Variants in MRPL20 observed in about 807,000 individuals in gnomAD.
MRPL20 encodes mitochondrial ribosomal protein L20.
A neutral mutation model predicts 20.0 loss-of-function variants in MRPL20; 21 were observed. The ratio of observed to expected loss-of-function variants is 1.05; its 90% CI spans 0.74 to 1.51. MRPL20 has a LOEUF of 1.51. Ranked by LOEUF, MRPL20 falls within the 40% of genes most tolerant of loss-of-function variation. MRPL20 has a pLI of 0.00. For synonymous variants in MRPL20, 104 were observed against 73.0 expected (o/e 1.43, Z -2.17); for missense variants, 252 against 185.6 (o/e 1.36, Z -2.08).
intron 3 of MRPL20, chr1:1,402,508 G>T: frequency 8.1e-7 from 1 of 1,241,380 alleles, no homozygotes; most frequent in Non-Finnish European, 1.0e-6. Flanking sequence ...ATGTCGGCCC[G>T]GGGAACCAAA....
chr1:1,406,350 G>C (rs1211437626), intron 2 of MRPL20: 2 of 176,578 alleles, frequency 1.1e-5, no homozygotes, highest in African/African-American at 2.4e-5. Context: ...ACTCCGTCTC[G>C]GGGTAAGAAA....
Position 1,407,091 on chromosome 1 carries a change from C to T in MRPL20, c.87+40G>A, listed in dbSNP as rs901340210. 10 of 1,608,584 alleles carry T rather than the reference C, an allele frequency of 6.2e-6. No homozygotes were observed. In the African/African-American group the frequency reaches 1.2e-4, roughly 20 times the overall value. On this transcript the variant is annotated intron_variant, in intron 1 of 3. Transcript: ENST00000344843. ...GGCCGCCCCTTGGCCCGCGGGATAC[C>T]CCGGGCGCCCAGTGCCCAGGCCGGG... is the stretch of plus-strand genomic sequence containing the variant.
intron 2 of MRPL20, chr1:1,406,655 G>A (rs915005126): frequency 1.7e-5 from 9 of 531,078 alleles, no homozygotes; most frequent in Non-Finnish European, 3.1e-5. Context: ...GACGCAGGGA[G>A]AGTGTCAAGG....
At chr1:1,402,362 G>C (rs908330565) in intron 3 of MRPL20, 106 bp from the exon 4 acceptor site, 125 of 1,451,598 alleles carry the variant, frequency 8.6e-5, no homozygotes, top group African/African-American at 1.6e-4. Context: ...CACTCGCCTG[G>C]GGGGAGGGAA....
chr1:1,404,001 G>A (rs1245794144), intron 3 of MRPL20, among the ~76,000 whole-genome samples: 2 of 149,150 alleles, frequency 1.3e-5, no homozygotes, highest in African/African-American at 2.5e-5. Context: ...CACCACGCCT[G>A]GCTCATTTTG....
chr1:1,402,266 GAA>G lies in MRPL20; in HGVS notation c.277-12_277-11del. ...TGAGCTCCACCTGGCACTGAAAAAAGAATGAATCAGAACCTGCTGTCAGTGTG... is the reference window on the plus strand; with the variant it reads ...TGAGCTCCACCTGGCACTGAAAAAAGTGAATCAGAACCTGCTGTCAGTGTG... On this transcript the variant is annotated splice_polypyrimidine_tract_variant and intron_variant, in intron 3 of 3. Coordinates refer to ENST00000344843, the MANE Select transcript of MRPL20 (RefSeq NM_017971.4). The G allele has an allele frequency of 6.2e-7, 1 of 1,602,452 alleles. No homozygotes were observed. Among genetic ancestry groups the G allele is most frequent in the Non-Finnish European group, 8.5e-7 (1 of 1,174,632 alleles).
rs894696686 is a variant in MRPL20, at chr1:1,401,920, T to A, written c.*163A>T. 6 of 822,858 alleles carry A rather than the reference T, an allele frequency of 7.3e-6. No homozygotes were observed. The African/African-American group carries it at 1.0e-4, about 14-fold the overall frequency. 51.0% of individuals were successfully genotyped at this position (822,858 alleles called of 1,614,324 possible). On this transcript the variant is annotated 3_prime_UTR_variant, in exon 4 of 4. Transcript: ENST00000344843. ...ATGACTCTAAAAACTGAAGAGTGTT[T>A]GAGTTTCATTCACACAAAACATGGA...
In MRPL20 at chr1:1,407,285, G is replaced by A; in HGVS notation, c.-68C>T. The A allele has an allele frequency of 7.2e-7, 1 of 1,396,506 alleles. No individual in the cohort carries two copies. Among genetic ancestry groups the A allele is most frequent in the Non-Finnish European group, 9.9e-7 (1 of 1,014,054 alleles). The allele number at this position is 1,396,506 out of a possible 1,614,324, so 86.5% of individuals were successfully genotyped here. A position where few individuals can be genotyped will look rare whatever the true frequency, so the allele number is the denominator to read the frequency against. Reference sequence around the variant, plus strand: ...GCAGCGCCGCTGCCATCTTGCCCGGGTCGGAAATGGTGGTCACGAGCGCTT... The same window carrying A: ...GCAGCGCCGCTGCCATCTTGCCCGGATCGGAAATGGTGGTCACGAGCGCTT... On this transcript the variant is annotated 5_prime_UTR_variant, in exon 1 of 4. Coordinates refer to ENST00000344843, the MANE Select transcript of MRPL20 (RefSeq NM_017971.4).
In MRPL20 at chr1:1,402,158, G is replaced by C. The variant is rs756520442; in HGVS notation, c.375C>G (p.His125Gln). The change falls in exon 4 of 4, where the codon CAC (histidine) becomes CAG (glutamine). Residue 125 changes from histidine (H) to glutamine (Q), a missense_variant. Physicochemically the swap from His to Gln is conservative, Grantham distance 24. Transcript: ENST00000344843. ...CCCCCAAGGCAGCAGCAAATCCTTCGTGTCGCCTCCTACTGGCCAAGGCAG... is the reference window on the plus strand; with the variant it reads ...CCCCCAAGGCAGCAGCAAATCCTTCCTGTCGCCTCCTACTGGCCAAGGCAG... ...SLAALASRRR[H>Q]EGFAAALGDG... 5.0e-6 allele frequency: 8 copies of C among 1,614,074 alleles called. No individual in the cohort carries two copies. The highest frequency in any genetic ancestry group is 1.7e-5 in the Admixed American group (1 of 60,016).
chr1:1,402,293 G>T, intron 3 of MRPL20, 37 bp from the exon 4 acceptor site: 1 of 1,583,198 alleles, frequency 6.3e-7, no homozygotes, highest in South Asian at 1.1e-5. Flanking sequence ...CTGTCAGTGT[G>T]AGACACACAC....
chr1:1,406,201 C>CA (rs1460670740), intron 2 of MRPL20: 1 of 274,748 alleles, frequency 3.6e-6, no homozygotes, highest in African/African-American at 2.2e-5. Context: ...ACTAAAAATA[C>CA]AAAAAATAGC....
chr1:1,402,387 C>T (rs1645339774), intron 3 of MRPL20, 131 bp from the exon 4 acceptor site: 11 of 1,414,130 alleles, frequency 7.8e-6, no homozygotes, highest in Non-Finnish European at 1.0e-5. Flanking sequence ...TAGGAGAATC[C>T]TATCTGGGTG....
intron 3 of MRPL20, chr1:1,405,474 CTA>C (rs376764357): frequency 2.7e-5 from 16 of 599,200 alleles, no homozygotes; most frequent in Admixed American, 1.2e-4. Flanking sequence ...AGTGGTCTCA[CTA>C]TGTTGCCCAG....
chr1:1,406,999 A>G lies in MRPL20; in HGVS notation c.108T>C (p.Asn36=), dbSNP rs1401475569. 1 of 1,613,576 alleles carries G rather than the reference A, an allele frequency of 6.2e-7. No homozygotes were observed. Among genetic ancestry groups the G allele is most frequent in the Non-Finnish European group, 8.5e-7 (1 of 1,179,722 alleles). Reference sequence around the variant, plus strand: ...TTCTGACCGCCAACCTGTAGCAGCGATTTTTCCTTCCCCGGAAGTGCTGGG... The same window carrying G: ...TTCTGACCGCCAACCTGTAGCAGCGGTTTTTCCTTCCCCGGAAGTGCTGGG... The part of the protein sequence containing the change: ...KHARHFRGRK[N]RCYRLAVRTV... Residue 36 remains asparagine (N), a synonymous_variant, in exon 2 of 4, where the codon AAT becomes AAC. Transcript: ENST00000344843.
intron 3 of MRPL20, among the ~76,000 whole-genome samples, chr1:1,404,506 T>C (rs1322392526): frequency 6.8e-6 from 1 of 147,640 alleles, no homozygotes; most frequent in Non-Finnish European, 1.5e-5. Flanking sequence ...TTTCTACACT[T>C]TTTTTTTTTT....
At chr1:1,405,750 C>G (rs770343078) in intron 3 of MRPL20, 59 bp downstream of exon 3, 1 of 1,613,900 alleles carries the variant, frequency 6.2e-7, no homozygotes, top group South Asian at 1.1e-5. Context: ...CACCACGCCC[C>G]GCATGATGGT....
At chr1:1,405,779 T>A in intron 3 of MRPL20, 30 bp downstream of exon 3, 2 of 1,614,116 alleles carry the variant, frequency 1.2e-6, no homozygotes, top group Admixed American at 1.7e-5. Flanking sequence ...ATGTCCAGAA[T>A]TTCAGTGGGA....
At chr1:1,404,135 G>A (rs138217691) in intron 3 of MRPL20, among the ~76,000 whole-genome samples, 4,741 of 151,884 alleles carry the variant, frequency 0.031, 252 homozygotes, top group African/African-American at 0.11. Context: ...GTAAGCCACC[G>A]CACCCAGCCT....
At chr1:1,405,260 C>T (rs1557750863) in intron 3 of MRPL20, 1 of 194,628 alleles carries the variant, frequency 5.1e-6, no homozygotes, top group South Asian at 9.6e-5. Flanking sequence ...CAGGCCTGAG[C>T]CACCCTGCCC....
Sources: gnomAD v4.1 joint callset for allele counts (sites outside exome capture counted in the v4.1 genomes callset) on GRCh38, gnomAD v4.1.1 for gene constraint, MANE v1.5 for transcripts, NCBI Gene and HGNC (gene_info 2026-07-23, HGNC 2026-07-21) for gene names.